Variants in PARD3B observed in about 807,000 individuals in gnomAD.
PARD3B encodes par-3 family cell polarity regulator beta, also known as partitioning defective 3 homolog B.
A neutral mutation model predicts 130.2 loss-of-function variants in PARD3B; 103 were observed. The ratio of observed to expected loss-of-function variants is 0.79; its 90% CI spans 0.67 to 0.93. The LOEUF (loss-of-function observed/expected upper bound fraction) is 0.93, where lower values mean the gene tolerates loss of function less well. PARD3B is among the 40% of genes least tolerant of loss of function. The pLI, the probability that PARD3B is intolerant of heterozygous loss-of-function variation, is 0.00. For missense variants in PARD3B, 1,609 were observed against 1,499.2 expected (o/e 1.07, Z -1.21); for synonymous variants, 583 against 553.2 (o/e 1.05, Z -0.76).
At chr2:205,185,621 T>A in intron 13 of PARD3B, 143 bp from the exon 14 acceptor site, 1 of 627,358 alleles carries the variant, frequency 1.6e-6, no homozygotes, top group Non-Finnish European at 2.9e-6. Context: ...TAAGGATCCT[T>A]CAGTTCTGTA....
At chr2:204,919,833 A>T (rs563227552) in intron 2 of PARD3B, among the ~76,000 whole-genome samples, 1 of 152,224 alleles carries the variant, frequency 6.6e-6, no homozygotes, top group Admixed American at 6.5e-5. Flanking sequence ...CACTGTGTAT[A>T]TAAGAGGCTT....
intron 2 of PARD3B, among the ~76,000 whole-genome samples, chr2:204,958,133 C>T (rs1481766720): frequency 3.3e-5 from 5 of 152,108 alleles, no homozygotes; most frequent in Non-Finnish European, 7.4e-5. Flanking sequence ...ATTATAAATA[C>T]AGTTGATTTT....
At chr2:205,373,416 T>A (rs2044901425) in intron 18 of PARD3B, among the ~76,000 whole-genome samples, 1 of 151,680 alleles carries the variant, frequency 6.6e-6, no homozygotes, top group African/African-American at 2.4e-5. Flanking sequence ...ACCACAGCAA[T>A]GGATTATGGG....
intron 1 of PARD3B, among the ~76,000 whole-genome samples, chr2:204,577,004 G>A (rs140375982): frequency 1.3e-5 from 2 of 152,224 alleles, no homozygotes; most frequent in African/African-American, 4.8e-5. Context: ...GTTTGAATTT[G>A]AAATAAAACT....
intron 16 of PARD3B, among the ~76,000 whole-genome samples, chr2:205,252,853 C>CAA (rs770957813): frequency 0.088 from 7,107 of 80,350 alleles, 549 homozygotes; most frequent in East Asian, 0.16. Context: ...CCCCCCCCAC[C>CAA]AAAAAAAAAA....
intron 1 of PARD3B, among the ~76,000 whole-genome samples, chr2:204,551,670 G>T (rs930357904): frequency 6.6e-6 from 1 of 152,148 alleles, no homozygotes; most frequent in African/African-American, 2.4e-5. Flanking sequence ...ATTGCCCTGT[G>T]CGCGATTGGG....
At chr2:205,120,086 G>A (rs142579222) in intron 7 of PARD3B, among the ~76,000 whole-genome samples, 164 of 152,150 alleles carry the variant, frequency 1.1e-3, no homozygotes, top group South Asian at 6.9e-3. Context: ...TGTGGGTCGA[G>A]GAAAAGTGGG....
rs533445056 is a variant in PARD3B at position 205,206,585 on chromosome 2, A to T, written c.2140+13265A>T. Among the ~76,000 whole-genome samples the T allele has an allele frequency of 7.4e-3, 1,111 of 150,960 alleles. 16 individuals carry two copies. Among genetic ancestry groups the T allele is most frequent in the Middle Eastern group, 0.014 (4 of 294 alleles). ...GGCTGCATAGTATTCCATGGTGTAT[A>T]TGTGCCACATTTTCTTAATCCAGTC... On this transcript the variant is annotated intron_variant, in intron 15 of 22. Coordinates refer to ENST00000406610, the MANE Select transcript of PARD3B (RefSeq NM_001302769.2).
chr2:205,595,515 G>C (rs574453792), intron 22 of PARD3B, among the ~76,000 whole-genome samples: 36 of 152,082 alleles, frequency 2.4e-4, no homozygotes, highest in African/African-American at 8.4e-4. Flanking sequence ...AATTATTAAA[G>C]CTGCAGCTTC....
intron 15 of PARD3B, 50 bp downstream of exon 15, chr2:205,193,370 T>C (rs1574343985): frequency 1.5e-6 from 2 of 1,354,272 alleles, no homozygotes; most frequent in South Asian, 1.2e-5. Context: ...CCTCAGCCCA[T>C]TTATCTTCCC....
At chr2:204,600,987 C>A (rs2033486427) in intron 1 of PARD3B, among the ~76,000 whole-genome samples, 1 of 151,580 alleles carries the variant, frequency 6.6e-6, no homozygotes, top group South Asian at 2.1e-4. Flanking sequence ...GTTTGTCAAC[C>A]CATTGGACAA....
chr2:205,471,744 G>A (rs2048843675), intron 20 of PARD3B, among the ~76,000 whole-genome samples: 2 of 152,182 alleles, frequency 1.3e-5, no homozygotes, highest in Admixed American at 1.3e-4. Flanking sequence ...GGTCAGAACT[G>A]TAACTTTCAA....
chr2:204,937,995 A>G (rs936837115), intron 2 of PARD3B, among the ~76,000 whole-genome samples: 4 of 152,218 alleles, frequency 2.6e-5, no homozygotes, highest in Non-Finnish European at 5.9e-5. Context: ...AATAGAGAGC[A>G]GTGACACGCC....
intron 2 of PARD3B, among the ~76,000 whole-genome samples, chr2:204,814,041 C>T (rs1340641541): frequency 6.6e-6 from 1 of 151,990 alleles, no homozygotes; most frequent in Non-Finnish European, 1.5e-5. Flanking sequence ...AGATATAGTC[C>T]AATTTAGGGA....
At chr2:204,740,090 T>G (rs1008730263) in intron 2 of PARD3B, among the ~76,000 whole-genome samples, 1 of 152,122 alleles carries the variant, frequency 6.6e-6, no homozygotes, top group Admixed American at 6.6e-5. Context: ...CTCGGCTCAC[T>G]GCAACCTCTA....
chr2:205,302,108 G>A (rs536336488), intron 18 of PARD3B, among the ~76,000 whole-genome samples: 4 of 111,082 alleles, frequency 3.6e-5, no homozygotes, highest in East Asian at 5.3e-4. Context: ...GCGCTTTGTC[G>A]CCCAGGCTGG....
At chr2:205,328,035 A>G (rs1034233569) in intron 18 of PARD3B, among the ~76,000 whole-genome samples, 1 of 152,170 alleles carries the variant, frequency 6.6e-6, no homozygotes, top group Admixed American at 6.5e-5. Context: ...TGCTTTCTTC[A>G]TTAGGCTAAA....
At chr2:205,195,893 G>A (rs2036656894) in intron 15 of PARD3B, among the ~76,000 whole-genome samples, 1 of 151,440 alleles carries the variant, frequency 6.6e-6, no homozygotes, top group South Asian at 2.1e-4. Context: ...ACTTTATAAA[G>A]TCTGTAGGAA....
chr2:204,811,612 G>A (rs1220323487), intron 2 of PARD3B, among the ~76,000 whole-genome samples: 1 of 152,120 alleles, frequency 6.6e-6, no homozygotes, highest in Non-Finnish European at 1.5e-5. Flanking sequence ...TGGAAGAATG[G>A]GGTGGGACAA....
Sources: gnomAD v4.1 joint callset for allele counts (sites outside exome capture counted in the v4.1 genomes callset) on GRCh38, gnomAD v4.1.1 for gene constraint, MANE v1.5 for transcripts, NCBI Gene and HGNC (gene_info 2026-07-23, HGNC 2026-07-21) for gene names.